DNAI4: variants seen among roughly 807,000 people sequenced by gnomAD.
The protein encoded by DNAI4 is WD repeat domain 78.
Under a neutral mutation model 105.8 loss-of-function variants are expected in DNAI4, and 85 were observed. That is an observed-to-expected ratio of 0.80 (90% CI 0.67 to 0.96). DNAI4 has a LOEUF of 0.96. Ranked by LOEUF, DNAI4 falls within the 40% of genes least tolerant of loss-of-function variation. DNAI4 has a pLI of 0.00. For synonymous variants in DNAI4, 352 were observed against 331.5 expected (o/e 1.06, Z -0.67); for missense variants, 1,014 against 1,005.6 (o/e 1.01, Z -0.11).
At chr1:66,836,459 C>G (rs1483080032) in intron 10 of DNAI4, among the ~76,000 whole-genome samples, 1 of 152,146 alleles carries the variant, frequency 6.6e-6, no homozygotes, top group Non-Finnish European at 1.5e-5. Context: ...GAACAAAAAA[C>G]TAATCATCTA....
intron 2 of DNAI4, among the ~76,000 whole-genome samples, chr1:66,896,638 A>T (rs1648361515): frequency 6.6e-6 from 1 of 152,154 alleles, no homozygotes; most frequent in Admixed American, 6.5e-5. Context: ...TGGTTTAGTC[A>T]TCACAAGAGA....
intron 7 of DNAI4, among the ~76,000 whole-genome samples, chr1:66,850,765 A>G (rs1170419648): frequency 6.6e-6 from 1 of 151,934 alleles, no homozygotes; most frequent in Admixed American, 6.6e-5. Flanking sequence ...CTTTACTTGA[A>G]CTGGTAAAAT....
intron 6 of DNAI4, chr1:66,870,901 A>G (rs1646832406): frequency 6.5e-6 from 1 of 154,668 alleles, no homozygotes; most frequent in South Asian, 2.1e-4. Context: ...AGTTAAGTGC[A>G]CAAGCTCTAG....
chr1:66,905,398 A>G (rs1449881643), intron 1 of DNAI4, 23 bp from the exon 2 acceptor site: 1 of 1,388,034 alleles, frequency 7.2e-7, no homozygotes. Flanking sequence ...AATAAAATAT[A>G]ATGCAAAGGA....
chr1:66,898,227 GTAAA>G (rs147354902), intron 2 of DNAI4, among the ~76,000 whole-genome samples: 2,779 of 152,284 alleles, frequency 0.018, 79 homozygotes, highest in African/African-American at 0.064. Context: ...TATCTTGGAA[GTAAA>G]TAGTTTGTTT....
intron 3 of DNAI4, 116 bp from the exon 4 acceptor site, chr1:66,891,382 G>T: frequency 1.6e-6 from 1 of 628,818 alleles, no homozygotes; most frequent in Non-Finnish European, 2.7e-6. Context: ...GATCATATAA[G>T]CAAAATAGAT....
At chr1:66,873,890 T>C (rs1646905211) in intron 5 of DNAI4, among the ~76,000 whole-genome samples, 1 of 149,024 alleles carries the variant, frequency 6.7e-6, no homozygotes, top group South Asian at 2.1e-4. Context: ...CTAGGAACTT[T>C]CCCTTCCTTC....
Position 66,812,927 on chromosome 1 carries a change from G to A in DNAI4, c.*1203C>T, listed in dbSNP as rs550227062. 1 of 152,402 alleles carries A rather than the reference G, an allele frequency of 6.6e-6. No individual in the cohort carries two copies. The highest frequency in any genetic ancestry group is 1.5e-5 in the Non-Finnish European group (1 of 68,012). The allele number at this position is 152,402 out of a possible 1,614,324, so 9.4% of individuals were successfully genotyped here. On this transcript the variant is annotated 3_prime_UTR_variant, in exon 17 of 17. Transcript: ENST00000371026. Reference sequence around the variant, plus strand: ...AGTTTTTTATTTTCTTACACAAGGTGTTATAGAAAATCCAATCTTTCAGAA... The same window carrying A: ...AGTTTTTTATTTTCTTACACAAGGTATTATAGAAAATCCAATCTTTCAGAA...
intron 7 of DNAI4, among the ~76,000 whole-genome samples, chr1:66,859,219 CAT>C: frequency 6.6e-6 from 1 of 152,108 alleles, no homozygotes; most frequent in African/African-American, 2.4e-5. Context: ...CTCAATATCA[CAT>C]TAGGGGGTTG....
chr1:66,924,105 T>C (rs1650882807), intron 1 of DNAI4, among the ~76,000 whole-genome samples: 2 of 152,192 alleles, frequency 1.3e-5, no homozygotes, highest in South Asian at 2.1e-4. Flanking sequence ...CTTAACAAAC[T>C]AGAAGTGCTA....
intron 2 of DNAI4, among the ~76,000 whole-genome samples, chr1:66,902,427 A>G (rs1648902799): frequency 6.6e-6 from 1 of 152,054 alleles, no homozygotes; most frequent in Non-Finnish European, 1.5e-5. Flanking sequence ...TTTGTTGTCA[A>G]TTTGTAGTTA....
At chr1:66,864,677 C>G (rs1646694855) in intron 6 of DNAI4, among the ~76,000 whole-genome samples, 1 of 152,132 alleles carries the variant, frequency 6.6e-6, no homozygotes, top group Admixed American at 6.5e-5. Context: ...TGGTGAAACC[C>G]TGTCTCTACT....
At chr1:66,898,711 T>G (rs1337672677) in intron 2 of DNAI4, among the ~76,000 whole-genome samples, 1 of 152,180 alleles carries the variant, frequency 6.6e-6, no homozygotes, top group East Asian at 1.9e-4. Flanking sequence ...ATACATTGCT[T>G]CATAAATTAC....
chr1:66,814,114 T>C lies in DNAI4; in HGVS notation c.*16A>G. The C allele has an allele frequency of 6.3e-7, 1 of 1,584,146 alleles. No individual in the cohort carries two copies. The highest frequency in any genetic ancestry group is 8.5e-7 in the Non-Finnish European group (1 of 1,172,822). ...TTTTTTAAAACAACTACAAGAAAAA[T>C]ATTAGGAATGATGAATTATGCTGAT... On this transcript the variant is annotated 3_prime_UTR_variant, in exon 17 of 17. Coordinates refer to ENST00000371026, the MANE Select transcript of DNAI4 (RefSeq NM_024763.5).
intron 1 of DNAI4, among the ~76,000 whole-genome samples, chr1:66,910,927 C>T (rs1020275147): frequency 1.3e-5 from 2 of 152,194 alleles, no homozygotes; most frequent in East Asian, 1.9e-4. Flanking sequence ...TGGCCAAATG[C>T]GTAGGGTTTC....
intron 7 of DNAI4, among the ~76,000 whole-genome samples, chr1:66,850,852 A>G (rs1364924443): frequency 6.6e-6 from 1 of 151,992 alleles, no homozygotes; most frequent in Non-Finnish European, 1.5e-5. Flanking sequence ...CATAAACTCA[A>G]AACACTACAG....
In DNAI4 at chr1:66,871,420, G is replaced by A. The variant is rs1292341216; in HGVS notation, c.890C>T (p.Ala297Val). Residue 297 changes from alanine to valine, a missense_variant, in exon 6 of 17, where the codon GCA becomes GTA. Physicochemically the swap from Ala to Val is moderately conservative, Grantham distance 64. Transcript: ENST00000371026. Reference protein sequence around the residue: ...VERMMQTFNGAPKNKDVQCDK... With the variant: ...VERMMQTFNGVPKNKDVQCDK... Reference sequence around the variant, plus strand: ...ACATTGAACATCTTTATTCTTTGGTGCTCCATTGAAAGTCTGCATCATCCT... The same window carrying A: ...ACATTGAACATCTTTATTCTTTGGTACTCCATTGAAAGTCTGCATCATCCT... 8 of 1,611,516 alleles carry A rather than the reference G, an allele frequency of 5.0e-6. No homozygotes were observed. In the Admixed American group the frequency reaches 6.7e-5, roughly 13 times the overall value.
At chr1:66,894,619 A>G (rs1461442260) in intron 2 of DNAI4, among the ~76,000 whole-genome samples, 2 of 152,184 alleles carry the variant, frequency 1.3e-5, no homozygotes, top group Non-Finnish European at 2.9e-5. Context: ...TAATATACCC[A>G]GAATTAATTT....
chr1:66,858,326 G>A (rs960609459), intron 7 of DNAI4, among the ~76,000 whole-genome samples: 2 of 151,604 alleles, frequency 1.3e-5, no homozygotes, highest in Middle Eastern at 3.5e-3. Flanking sequence ...TCAGGAGACC[G>A]AGACCATCCC....
Sources: allele counts gnomAD v4.1 joint callset (sites outside exome capture counted in the v4.1 genomes callset), GRCh38; gene constraint gnomAD v4.1.1; transcripts MANE v1.5; gene names NCBI Gene and HGNC (gene_info 2026-07-23, HGNC 2026-07-21).